The following PPP2CA variants were observed in gnomAD, a reference collection of about 807,000 sequenced individuals.
PPP2CA encodes protein phosphatase 2 catalytic subunit alpha.
PPP2CA carries 5 observed loss-of-function variants against 38.8 expected under a neutral mutation model. That is an observed-to-expected ratio of 0.13 (90% CI 0.07 to 0.27). The LOEUF (loss-of-function observed/expected upper bound fraction) is 0.27. Ranked by LOEUF, PPP2CA falls within the 10% of genes least tolerant of loss-of-function variation. The pLI is 1.00. For synonymous variants in PPP2CA, 152 were observed against 134.0 expected (o/e 1.13, Z -0.93); for missense variants, 88 against 389.7 (o/e 0.23, Z 6.52).
chr5:134,205,488 TCTC>T (rs1762063114), intron 2 of PPP2CA: 1 of 161,226 alleles, frequency 6.2e-6, no homozygotes, highest in African/African-American at 2.4e-5. Flanking sequence ...TTCAAGCAAT[TCTC>T]CTGCCTCAGG....
At chr5:134,204,687 G>A (rs1762039955) in intron 2 of PPP2CA, among the ~76,000 whole-genome samples, 2 of 151,914 alleles carry the variant, frequency 1.3e-5, no homozygotes. Flanking sequence ...TAAACTCCTG[G>A]ACTCAAGTGA....
intron 1 of PPP2CA, among the ~76,000 whole-genome samples, chr5:134,210,428 A>T (rs2149385742): frequency 6.6e-6 from 1 of 152,370 alleles, no homozygotes; most frequent in East Asian, 1.9e-4. Context: ...ACTGAAAGAC[A>T]AGCAAAAGCA....
chr5:134,211,537 T>C (rs10477758), intron 1 of PPP2CA, among the ~76,000 whole-genome samples: 130,730 of 149,744 alleles, frequency 0.87, 57,413 homozygotes, highest in Middle Eastern at 0.92. Flanking sequence ...AGTGCAATGG[T>C]GCGATCTCGG....
Position 134,201,087 on chromosome 5 carries a change from G to A in PPP2CA, c.487-13C>T, listed in dbSNP as rs1477493777. ...GTAGACAGAAGATCTGAAAAGAGTG[G>A]TTTAAAAGGTTAACCTCACCTAAAA... On this transcript the variant is annotated splice_polypyrimidine_tract_variant and intron_variant, in intron 3 of 6. Transcript: ENST00000481195. 1 of 1,590,888 alleles carries A rather than the reference G, an allele frequency of 6.3e-7. No homozygotes were observed. The highest frequency in any genetic ancestry group is 1.3e-5 in the African/African-American group (1 of 74,404).
At chr5:134,202,803 C>G (rs1429760951) in intron 2 of PPP2CA, among the ~76,000 whole-genome samples, 3 of 152,192 alleles carry the variant, frequency 2.0e-5, no homozygotes, top group African/African-American at 7.2e-5. Context: ...AACAGTCAAA[C>G]TGTTTTTCAA....
At chr5:134,217,582 C>T (rs1299600238) in intron 1 of PPP2CA, among the ~76,000 whole-genome samples, 3 of 152,044 alleles carry the variant, frequency 2.0e-5, no homozygotes, top group South Asian at 2.1e-4. Flanking sequence ...TCAAGATGTA[C>T]GGTTGGTTTG....
chr5:134,196,445 C>T lies in PPP2CA; in HGVS notation c.*1327G>A, dbSNP rs1761851287. ...ATGTTGAACACTGCCACTTTAAGTA[C>T]CATTTTTGTCTTCGGGTGAATGTAC... On this transcript the variant is annotated 3_prime_UTR_variant, in exon 7 of 7. Coordinates refer to ENST00000481195, the MANE Select transcript of PPP2CA (RefSeq NM_002715.4). 6.6e-6 allele frequency: 1 copy of T among 152,142 alleles called. No homozygotes were observed. Among genetic ancestry groups the T allele is most frequent in the African/African-American group, 2.4e-5 (1 of 41,428 alleles). 9.4% of individuals were successfully genotyped at this position (152,142 alleles called of 1,614,324 possible). A position where few individuals can be genotyped will look rare whatever the true frequency, so the allele number is the denominator to read the frequency against.
chr5:134,216,835 C>A (rs1762330862), intron 1 of PPP2CA, among the ~76,000 whole-genome samples: 1 of 152,098 alleles, frequency 6.6e-6, no homozygotes, highest in Non-Finnish European at 1.5e-5. Context: ...TCAATTCTGC[C>A]CTTGATGAAA....
At position 134,195,682 on chromosome 5, in the gene PPP2CA, AACACAT is replaced by A. The variant is rs1434358784; in HGVS notation, c.*2084_*2089del. 4 of 152,218 alleles carry A rather than the reference AACACAT, an allele frequency of 2.6e-5. No homozygotes were observed. The highest frequency in any genetic ancestry group is 5.9e-5 in the Non-Finnish European group (4 of 68,038). 9.4% of individuals were successfully genotyped at this position (152,218 alleles called of 1,614,324 possible). ...TTTTCAAGAAAATACATAATTTACT[AACACAT>A]TTTCCTTACCATAGCCATTTTCAAA... On this transcript the variant is annotated 3_prime_UTR_variant, in exon 7 of 7. Transcript: ENST00000481195.
chr5:134,219,986 G>C (rs1762402155), intron 1 of PPP2CA, among the ~76,000 whole-genome samples: 1 of 144,776 alleles, frequency 6.9e-6, no homozygotes, highest in African/African-American at 2.6e-5. Context: ...ACTCTGGCCT[G>C]GGCAACAGAG....
Position 134,212,681 on chromosome 5 carries a change from C to T in PPP2CA, c.103-6550G>A, listed in dbSNP as rs139879765. Among the ~76,000 whole-genome samples, 121 of 152,322 alleles carry T rather than the reference C, an allele frequency of 7.9e-4. 1 individual carries two copies. The highest frequency in any genetic ancestry group is 2.8e-3 in the African/African-American group (118 of 41,572). ...AACTCCAGACAGGCCTAAAGGTAGGCTTCTTGCACCAAACTGCTAAGGTAT... is the reference window on the plus strand; with the variant it reads ...AACTCCAGACAGGCCTAAAGGTAGGTTTCTTGCACCAAACTGCTAAGGTAT... On this transcript the variant is annotated intron_variant, in intron 1 of 6. Coordinates refer to ENST00000481195, the MANE Select transcript of PPP2CA (RefSeq NM_002715.4).
At chr5:134,198,306 T>C (rs1454568491) in intron 6 of PPP2CA, among the ~76,000 whole-genome samples, 1 of 151,780 alleles carries the variant, frequency 6.6e-6, no homozygotes, top group Non-Finnish European at 1.5e-5. Context: ...GGCAGGAGAA[T>C]GGTGTGAACC....
intron 2 of PPP2CA, among the ~76,000 whole-genome samples, chr5:134,202,789 G>C (rs746569752): frequency 2.0e-4 from 30 of 152,170 alleles, no homozygotes; most frequent in African/African-American, 6.5e-4. Flanking sequence ...TTAACTTTTT[G>C]AGAAACAGTC....
In PPP2CA at chr5:134,196,438, TTAAG is replaced by T. The variant is rs1230914757; in HGVS notation, c.*1330_*1333del. On this transcript the variant is annotated 3_prime_UTR_variant, in exon 7 of 7. Coordinates refer to ENST00000481195, the MANE Select transcript of PPP2CA (RefSeq NM_002715.4). ...TCATTAAATGTTGAACACTGCCACT[TTAAG>T]TACCATTTTTGTCTTCGGGTGAATG... The T allele has an allele frequency of 6.6e-6, 1 of 152,212 alleles. No individual in the cohort carries two copies. Among genetic ancestry groups the T allele is most frequent in the Non-Finnish European group, 1.5e-5 (1 of 68,030 alleles). 9.4% of individuals were successfully genotyped at this position (152,212 alleles called of 1,614,324 possible).
At chr5:134,218,247 T>C (rs1238208080) in intron 1 of PPP2CA, among the ~76,000 whole-genome samples, 1 of 152,238 alleles carries the variant, frequency 6.6e-6, no homozygotes, top group African/African-American at 2.4e-5. Context: ...TAGTAACTAG[T>C]ATTTTCTGTT....
chr5:134,214,457 C>T (rs1164200433), intron 1 of PPP2CA, among the ~76,000 whole-genome samples: 1 of 152,144 alleles, frequency 6.6e-6, no homozygotes, highest in African/African-American at 2.4e-5. Context: ...GGCAAAATAG[C>T]ATTAACTTTT....
At position 134,195,200 on chromosome 5, in the gene PPP2CA, A is replaced by C. The variant is rs1268896856; in HGVS notation, c.*2572T>G. Reference sequence around the variant, plus strand: ...GCACATCATGTACAAATTCATTGTAAACTTACAAAATAAGTTTCAAAATTT... The same window carrying C: ...GCACATCATGTACAAATTCATTGTACACTTACAAAATAAGTTTCAAAATTT... On this transcript the variant is annotated 3_prime_UTR_variant, in exon 7 of 7. Transcript: ENST00000481195. The C allele has an allele frequency of 1.3e-5, 2 of 152,208 alleles. No individual in the cohort carries two copies. The highest frequency in any genetic ancestry group is 2.9e-5 in the Non-Finnish European group (2 of 68,042). 9.4% of individuals were successfully genotyped at this position (152,208 alleles called of 1,614,324 possible).
At chr5:134,198,592 G>C (rs1161902945) in intron 6 of PPP2CA, among the ~76,000 whole-genome samples, 1 of 151,870 alleles carries the variant, frequency 6.6e-6, no homozygotes, top group Non-Finnish European at 1.5e-5. Context: ...TTGAGACGAA[G>C]TCTCGCTCTG....
intron 1 of PPP2CA, among the ~76,000 whole-genome samples, chr5:134,208,652 C>T (rs1762135511): frequency 6.6e-6 from 1 of 152,118 alleles, no homozygotes; most frequent in South Asian, 2.1e-4. Context: ...ATATATTTAT[C>T]TGGATGTAGT....
Sources: allele counts gnomAD v4.1 joint callset (sites outside exome capture counted in the v4.1 genomes callset), GRCh38; gene constraint gnomAD v4.1.1; transcripts MANE v1.5; gene names NCBI Gene and HGNC (gene_info 2026-07-23, HGNC 2026-07-21).